Variants in CDK14 observed in about 807,000 individuals in gnomAD.
CDK14 encodes the protein cyclin dependent kinase 14, also known as cyclin-dependent kinase 14.
A neutral mutation model predicts 60.7 loss-of-function variants in CDK14; 34 were observed. The observed-to-expected ratio is 0.56, with a 90% CI of 0.43 to 0.75. The LOEUF (loss-of-function observed/expected upper bound fraction) is 0.75. Among genes scored for constraint, CDK14 ranks in the 30% least tolerant of loss-of-function variants. The pLI is 0.00. For missense variants in CDK14, 482 were observed against 564.1 expected, an observed-to-expected ratio of 0.85 and a Z score of 1.47; for synonymous variants, 197 against 203.7, an observed-to-expected ratio of 0.97 and a Z score of 0.28.
Position 91,054,336 on chromosome 7 carries a change from G to A in CDK14, c.1105+8376G>A, listed in dbSNP as rs146692908. ...CTCAGATTTTATTGCTAAAAGCCTT[G>A]TGGGTCTGCTTGACACAAGCCTTAG... On this transcript the variant is annotated intron_variant, in intron 11 of 14. Coordinates refer to ENST00000380050, the MANE Select transcript of CDK14 (RefSeq NM_001287135.2). 2.0e-4 allele frequency among the ~76,000 whole-genome samples: 30 copies of A among 152,138 alleles called. No individual in the cohort carries two copies. In the East Asian group the frequency reaches 5.6e-3, roughly 28 times the overall value.
At chr7:90,991,516 C>T (rs1307842208) in intron 10 of CDK14, among the ~76,000 whole-genome samples, 2 of 152,064 alleles carry the variant, frequency 1.3e-5, no homozygotes, top group Non-Finnish European at 1.5e-5. Flanking sequence ...GAAAATCACT[C>T]CCTGGAGCAA....
chr7:90,946,460 G>A (rs1035238782), intron 8 of CDK14, among the ~76,000 whole-genome samples: 4 of 152,118 alleles, frequency 2.6e-5, no homozygotes, highest in Non-Finnish European at 5.9e-5. Context: ...AAAGCATGGT[G>A]AAAATAATTC....
At chr7:90,765,843 G>A (rs191088087) in intron 4 of CDK14, among the ~76,000 whole-genome samples, 1 of 152,274 alleles carries the variant, frequency 6.6e-6, no homozygotes, top group African/African-American at 2.4e-5. Flanking sequence ...AAAGGAGTCA[G>A]TAGAAAGAGA....
chr7:90,891,999 T>C (rs942802915), intron 6 of CDK14, among the ~76,000 whole-genome samples: 1 of 152,168 alleles, frequency 6.6e-6, no homozygotes, highest in Non-Finnish European at 1.5e-5. Flanking sequence ...TAATGTTAGG[T>C]AAAGAGAAAC....
rs184470379 is a variant in CDK14 at position 90,949,062 on chromosome 7, T to C, written c.827-6635T>C. Among the ~76,000 whole-genome samples, 249 of 152,282 alleles carry C rather than the reference T, an allele frequency of 1.6e-3. 1 individual carries two copies. The highest frequency in any genetic ancestry group is 3.1e-3 in the Non-Finnish European group (212 of 68,008). ...CAAAAAGAGAAAAAACAGAAAAAAATGTAATTCCTATACTGTATATGAAAG... is the reference window on the plus strand; with the variant it reads ...CAAAAAGAGAAAAAACAGAAAAAAACGTAATTCCTATACTGTATATGAAAG... On this transcript the variant is annotated intron_variant, in intron 8 of 14. Coordinates refer to ENST00000380050, the MANE Select transcript of CDK14 (RefSeq NM_001287135.2).
chr7:90,690,161 G>T (rs1258583177), intron 2 of CDK14, among the ~76,000 whole-genome samples: 2 of 152,204 alleles, frequency 1.3e-5, no homozygotes, highest in East Asian at 3.9e-4. Flanking sequence ...AAAATTGAGG[G>T]TTCACTTCTT....
chr7:90,921,202 G>A (rs1254380086), intron 8 of CDK14, among the ~76,000 whole-genome samples: 1 of 152,068 alleles, frequency 6.6e-6, no homozygotes, highest in Non-Finnish European at 1.5e-5. Flanking sequence ...CCACCTTGTT[G>A]CTCCTTGTAT....
chr7:91,198,491 G>A (rs947653071), intron 14 of CDK14, among the ~76,000 whole-genome samples: 1 of 152,124 alleles, frequency 6.6e-6, no homozygotes, highest in Admixed American at 6.5e-5. Flanking sequence ...CAAACCAAAC[G>A]AAAAGAAAGC....
intron 2 of CDK14, among the ~76,000 whole-genome samples, chr7:90,691,304 T>C (rs1171973195): frequency 1.0e-5 from 1 of 97,130 alleles, no homozygotes; most frequent in Non-Finnish European, 2.2e-5. Flanking sequence ...GTAAGTACTG[T>C]GGAAAAAAAA....
At chr7:90,984,480 G>A (rs961197377) in intron 10 of CDK14, among the ~76,000 whole-genome samples, 7 of 152,150 alleles carry the variant, frequency 4.6e-5, no homozygotes, top group Non-Finnish European at 8.8e-5. Context: ...AGGCAATATA[G>A]AGAAAGTAAT....
chr7:90,598,925 C>T lies in CDK14; in HGVS notation c.91+2207C>T, dbSNP rs536429399. ...TTCACCGTTTTAGCCGGGATGGTCT[C>T]GATCTCCTGACCTCGTGATCCGCCC... is the stretch of plus-strand genomic sequence containing the variant. On this transcript the variant is annotated intron_variant, in intron 1 of 14. Coordinates refer to ENST00000380050, the MANE Select transcript of CDK14 (RefSeq NM_001287135.2). Among the ~76,000 whole-genome samples, 100 of 151,672 alleles carry T rather than the reference C, an allele frequency of 6.6e-4. No individual in the cohort carries two copies. In the East Asian group the frequency reaches 7.0e-3, roughly 11 times the overall value.
At chr7:90,720,540 G>A (rs1327817095) in intron 2 of CDK14, among the ~76,000 whole-genome samples, 1 of 152,070 alleles carries the variant, frequency 6.6e-6, no homozygotes, top group Non-Finnish European at 1.5e-5. Context: ...ATTGTTTACT[G>A]ACCTAATTAA....
At chr7:90,670,976 C>T (rs1409655633) in intron 2 of CDK14, among the ~76,000 whole-genome samples, 1 of 152,020 alleles carries the variant, frequency 6.6e-6, no homozygotes, top group Non-Finnish European at 1.5e-5. Flanking sequence ...GTGGGCTTTA[C>T]AGTAAAATTG....
At chr7:91,154,733 C>T (rs1262810930) in intron 14 of CDK14, among the ~76,000 whole-genome samples, 4 of 152,060 alleles carry the variant, frequency 2.6e-5, no homozygotes, top group African/African-American at 9.7e-5. Flanking sequence ...TTGGCACATT[C>T]TAGCTGACGT....
chr7:91,143,547 C>A (rs1800527766), intron 14 of CDK14, among the ~76,000 whole-genome samples: 1 of 151,920 alleles, frequency 6.6e-6, no homozygotes, highest in Non-Finnish European at 1.5e-5. Flanking sequence ...CATAGCGAGA[C>A]CCTGACTCTA....
At chr7:91,128,465 A>G (rs1010414269) in intron 14 of CDK14, among the ~76,000 whole-genome samples, 2 of 152,166 alleles carry the variant, frequency 1.3e-5, no homozygotes, top group Non-Finnish European at 1.5e-5. Context: ...CTTGAAAACA[A>G]AATTTTTATA....
intron 14 of CDK14, among the ~76,000 whole-genome samples, chr7:91,176,529 T>C (rs1801763456): frequency 1.3e-5 from 2 of 152,068 alleles, no homozygotes; most frequent in South Asian, 4.2e-4. Context: ...AGCTGGTTTT[T>C]TGAAAGGATC....
At chr7:90,759,579 A>G (rs1804231380) in intron 4 of CDK14, among the ~76,000 whole-genome samples, 1 of 152,108 alleles carries the variant, frequency 6.6e-6, no homozygotes, top group Non-Finnish European at 1.5e-5. Flanking sequence ...ACATAGTGGG[A>G]CCCATATTCT....
chr7:91,023,848 CG>C (rs1446395696), intron 10 of CDK14, among the ~76,000 whole-genome samples: 2 of 152,148 alleles, frequency 1.3e-5, no homozygotes, highest in African/African-American at 4.8e-5. Flanking sequence ...TCTTAGCTCA[CG>C]GCAACCTCCG....
Sources: gnomAD v4.1 joint callset for allele counts (sites outside exome capture counted in the v4.1 genomes callset) on GRCh38, gnomAD v4.1.1 for gene constraint, MANE v1.5 for transcripts, NCBI Gene and HGNC (gene_info 2026-07-23, HGNC 2026-07-21) for gene names.